SORCS3: variants seen among roughly 807,000 people sequenced by gnomAD.
SORCS3 encodes VPS10 domain-containing receptor SorCS3.
In SORCS3, 57 loss-of-function variants were observed where a neutral mutation model predicts 146.3. The ratio of observed to expected loss-of-function variants is 0.39; its 90% CI spans 0.31 to 0.49. The LOEUF (loss-of-function observed/expected upper bound fraction) is 0.49. Ranked by LOEUF, SORCS3 falls within the 20% of genes least tolerant of loss-of-function variation. SORCS3 has a pLI of 0.92. For synonymous variants in SORCS3, 653 were observed against 618.5 expected (o/e 1.06, Z -0.83); for missense variants, 1,341 against 1,575.5 (o/e 0.85, Z 2.52).
At chr10:104,752,844 A>G (rs954939405) in intron 1 of SORCS3, among the ~76,000 whole-genome samples, 1 of 152,160 alleles carries the variant, frequency 6.6e-6, no homozygotes, top group African/African-American at 2.4e-5. Flanking sequence ...AGTATTTTCT[A>G]TATATCCTAA....
At chr10:105,161,250 C>T (rs892291336) in intron 11 of SORCS3, among the ~76,000 whole-genome samples, 3 of 152,156 alleles carry the variant, frequency 2.0e-5, no homozygotes, top group Admixed American at 6.5e-5. Context: ...GTCACTGGCG[C>T]GTGCCTCTTC....
At chr10:104,745,193 A>T (rs2016893281) in intron 1 of SORCS3, among the ~76,000 whole-genome samples, 1 of 152,208 alleles carries the variant, frequency 6.6e-6, no homozygotes, top group Non-Finnish European at 1.5e-5. Flanking sequence ...TTACCAAAAA[A>T]ACTGAGTTAA....
chr10:105,175,376 G>T (rs1191101046), intron 13 of SORCS3, among the ~76,000 whole-genome samples: 1 of 152,012 alleles, frequency 6.6e-6, no homozygotes, highest in Non-Finnish European at 1.5e-5. Context: ...TTATTGATAA[G>T]GAAATCCTGA....
At chr10:104,969,773 G>T (rs1391920040) in intron 3 of SORCS3, among the ~76,000 whole-genome samples, 1 of 152,150 alleles carries the variant, frequency 6.6e-6, no homozygotes, top group Non-Finnish European at 1.5e-5. Flanking sequence ...CTCTGTATAT[G>T]TTAGTGTATG....
chr10:105,170,828 T>C (rs991348804), intron 13 of SORCS3, among the ~76,000 whole-genome samples: 3 of 152,172 alleles, frequency 2.0e-5, no homozygotes, highest in Non-Finnish European at 4.4e-5. Flanking sequence ...ATCATCAATG[T>C]TTTCTTATGA....
chr10:104,810,007 C>G (rs2133517659), intron 1 of SORCS3, among the ~76,000 whole-genome samples: 1 of 152,268 alleles, frequency 6.6e-6, no homozygotes, highest in South Asian at 2.1e-4. Flanking sequence ...AATGTGTCAC[C>G]CACCAGTGGG....
intron 1 of SORCS3, among the ~76,000 whole-genome samples, chr10:104,764,304 G>T (rs1268955568): frequency 6.6e-6 from 1 of 152,136 alleles, no homozygotes; most frequent in Admixed American, 6.5e-5. Context: ...TTCTGATGAA[G>T]CGGTCTGAGG....
At chr10:104,908,685 G>A (rs1381513109) in intron 2 of SORCS3, among the ~76,000 whole-genome samples, 1 of 152,160 alleles carries the variant, frequency 6.6e-6, no homozygotes, top group Non-Finnish European at 1.5e-5. Context: ...GAAGCTTTTA[G>A]CAATTGCTGA....
chr10:104,832,543 C>A (rs1281573585), intron 1 of SORCS3, among the ~76,000 whole-genome samples: 2 of 152,060 alleles, frequency 1.3e-5, no homozygotes, highest in African/African-American at 4.8e-5. Flanking sequence ...CATGGTGATA[C>A]CCTGTCTCTA....
chr10:104,642,058 G>T, intron 1 of SORCS3, 104 bp downstream of exon 1: 1 of 1,323,382 alleles, frequency 7.6e-7, no homozygotes, highest in Non-Finnish European at 1.0e-6. Flanking sequence ...GGTCGAGGCG[G>T]GGGACGCCTC....
chr10:105,087,945 C>T lies in SORCS3; in HGVS notation c.1029-1830C>T, dbSNP rs2055674519. Among the ~76,000 whole-genome samples the T allele has an allele frequency of 2.6e-5, 4 of 152,176 alleles. No homozygotes were observed. The South Asian group carries it at 6.2e-4, about 24-fold the overall frequency. ...AGGCATCTGTATATTTCAGAGTTAC[C>T]TCCCAGGGCTGTCATTAGCAGTAAA... On this transcript the variant is annotated intron_variant, in intron 5 of 26. Coordinates refer to ENST00000369701, the MANE Select transcript of SORCS3 (RefSeq NM_014978.3).
At chr10:105,036,655 C>T (rs899051198) in intron 4 of SORCS3, among the ~76,000 whole-genome samples, 17 of 152,246 alleles carry the variant, frequency 1.1e-4, no homozygotes, top group Non-Finnish European at 1.6e-4. Flanking sequence ...GAACTGAAGA[C>T]GCAGGTTGGA....
intron 2 of SORCS3, among the ~76,000 whole-genome samples, chr10:104,882,114 A>G (rs2018638245): frequency 6.6e-6 from 1 of 152,180 alleles, no homozygotes; most frequent in South Asian, 2.1e-4. Context: ...CCACTGATTA[A>G]TACCCCAGTT....
intron 4 of SORCS3, among the ~76,000 whole-genome samples, chr10:105,039,150 A>G (rs1209993845): frequency 1.3e-5 from 2 of 152,194 alleles, no homozygotes; most frequent in Non-Finnish European, 2.9e-5. Context: ...TGAATAAGTG[A>G]TTAAATGAAG....
In SORCS3 at chr10:105,264,384, T is replaced by A. The variant is rs985037529; in HGVS notation, c.*1010T>A. The A allele has an allele frequency of 6.6e-6, 1 of 152,222 alleles. No individual in the cohort carries two copies. The highest frequency in any genetic ancestry group is 1.5e-5 in the Non-Finnish European group (1 of 68,042). The allele number at this position is 152,222 out of a possible 1,614,324, so 9.4% of individuals were successfully genotyped here. Reference sequence around the variant, plus strand: ...AGAAGGCAGTCAGTGGATCTTAAAATGACAATCTGTTTTTAAATTGGATTC... The same window carrying A: ...AGAAGGCAGTCAGTGGATCTTAAAAAGACAATCTGTTTTTAAATTGGATTC... On this transcript the variant is annotated 3_prime_UTR_variant, in exon 27 of 27. Transcript: ENST00000369701.
chr10:104,664,584 A>G (rs1211053023), intron 1 of SORCS3: 1 of 152,196 alleles, frequency 6.6e-6, no homozygotes, highest in African/African-American at 2.4e-5. Flanking sequence ...TGTCCATAAA[A>G]TTAGTCACTT....
At chr10:105,031,324 CACACACAA>C (rs754899357) in intron 4 of SORCS3, among the ~76,000 whole-genome samples, 19,020 of 113,270 alleles carry the variant, frequency 0.17, 1,237 homozygotes, top group South Asian at 0.21. Context: ...ACAACACACA[CACACACAA>C]ACACACACAC....
At chr10:104,851,081 A>G (rs1021363) in intron 2 of SORCS3, among the ~76,000 whole-genome samples, 111,548 of 152,208 alleles carry the variant, frequency 0.73, 41,831 homozygotes, top group African/African-American at 0.88. Context: ...TTCTGAGAAA[A>G]AAAAATAGAA....
chr10:104,799,137 G>A (rs1419146949), intron 1 of SORCS3, among the ~76,000 whole-genome samples: 1 of 152,162 alleles, frequency 6.6e-6, no homozygotes, highest in African/African-American at 2.4e-5. Context: ...ATAGTGTGGC[G>A]ATTCCTCAAG....
Sources: allele counts gnomAD v4.1 joint callset (sites outside exome capture counted in the v4.1 genomes callset), GRCh38; gene constraint gnomAD v4.1.1; transcripts MANE v1.5; gene names NCBI Gene and HGNC (gene_info 2026-07-23, HGNC 2026-07-21).